The following IL16 variants were observed in gnomAD, a reference collection of about 807,000 sequenced individuals.
The protein encoded by IL16 is pro-interleukin-16.
A neutral mutation model predicts 110.1 loss-of-function variants in IL16; 67 were observed. The ratio of observed to expected loss-of-function variants is 0.61; its 90% confidence interval spans 0.50 to 0.75. The LOEUF (loss-of-function observed/expected upper bound fraction) is 0.75, where lower values mean the gene tolerates loss of function less well. IL16 is among the 30% of genes least tolerant of loss of function. The probability of loss-of-function intolerance (pLI) is 0.00; values close to 1 mark genes in which losing one functional copy is unlikely to be tolerated. For missense variants in IL16, 1,545 were observed against 1,655.0 expected, an observed-to-expected ratio of 0.93 and a Z score of 1.15; for synonymous variants, 689 against 662.9, an observed-to-expected ratio of 1.04 and a Z score of -0.61.
rs771934020 is a variant in IL16, at chr15:81,293,057, G to A, written c.1902+20G>A. On this transcript the variant is annotated intron_variant, in intron 12 of 18. Coordinates refer to ENST00000683961, the MANE Select transcript of IL16 (RefSeq NM_172217.5). Reference sequence around the variant, plus strand: ...GGCCAGGTAAGAGGATGGGTCCACAGGTTGAGTGTTTCCAGGACCAGACTC... The same window carrying A: ...GGCCAGGTAAGAGGATGGGTCCACAAGTTGAGTGTTTCCAGGACCAGACTC... 8.2e-6 allele frequency: 13 copies of A among 1,581,366 alleles called. No individual in the cohort carries two copies. The highest frequency in any genetic ancestry group is 1.7e-4 in the Middle Eastern group (1 of 5,720).
chr15:81,219,762 C>G (rs1038715926), intron 1 of IL16, among the ~76,000 whole-genome samples: 4 of 152,152 alleles, frequency 2.6e-5, no homozygotes, highest in Admixed American at 2.6e-4. Context: ...GTGCATCATT[C>G]TGTGGTCCTA....
upstream of IL16, among the ~76,000 whole-genome samples, chr15:81,195,584 G>A (rs1024484982): frequency 6.6e-6 from 1 of 152,120 alleles, no homozygotes; most frequent in African/African-American, 2.4e-5. Context: ...CCTTGGGACC[G>A]TGGGCCTGTG....
Position 81,225,408 on chromosome 15 carries a change from G to A in IL16, c.9G>A (p.Ser3=), listed in dbSNP as rs201225720. The A allele has an allele frequency of 1.2e-4, 194 of 1,613,674 alleles. No individual in the cohort carries two copies. In the East Asian group the frequency reaches 1.3e-3, roughly 11 times the overall value. The part of the protein sequence containing the change: ME[S]HSRAGKSRKS... ...TCACTTCCTCTTTGAGGATGGAGTC[G>A]CACAGCCGCGCTGGAAAGAGCAGAA... The change falls in exon 2 of 19, where the codon TCG becomes TCA. Residue 3 remains serine (S), a synonymous_variant. Transcript: ENST00000683961.
At chr15:81,200,047 T>C (rs1000531743) in intron 1 of IL16, among the ~76,000 whole-genome samples, 6 of 152,154 alleles carry the variant, frequency 3.9e-5, no homozygotes, top group African/African-American at 1.2e-4. Context: ...CACTAGTGGA[T>C]TGAAAATCAA....
chr15:81,227,076 C>T (rs1426355709), intron 2 of IL16, among the ~76,000 whole-genome samples: 1 of 152,010 alleles, frequency 6.6e-6, no homozygotes. Flanking sequence ...GAAAAATACA[C>T]TACAAGAGGG....
At chr15:81,277,090 C>T (rs906606002) in intron 6 of IL16, among the ~76,000 whole-genome samples, 1 of 151,082 alleles carries the variant, frequency 6.6e-6, no homozygotes, top group Non-Finnish European at 1.5e-5. Context: ...AAAAAGCAGT[C>T]ATTGAAATAA....
intron 14 of IL16, 80 bp from the exon 15 acceptor site, chr15:81,301,264 G>A: frequency 7.6e-7 from 1 of 1,312,878 alleles, no homozygotes; most frequent in Non-Finnish European, 1.0e-6. Flanking sequence ...CACCACACCT[G>A]GGACATAGTA....
Position 81,299,801 on chromosome 15 carries a change from C to T in IL16, c.2475C>T (p.His825=), listed in dbSNP as rs148177456. The T allele has an allele frequency of 3.1e-5, 50 of 1,613,990 alleles. No homozygotes were observed. The African/African-American group carries it at 5.9e-4, about 19-fold the overall frequency. ...AGCCAGCACCTGCTTCCAGGGAGCA[C>T]CTAGGATCACACATCCGGGCCTCCT... is the stretch of plus-strand genomic sequence containing the variant. ...STQPAPASRE[H]LGSHIRASSS... Residue 825 remains histidine (H), a synonymous_variant, in exon 14 of 19, where the codon CAC becomes CAT. Transcript: ENST00000683961.
intron 6 of IL16, among the ~76,000 whole-genome samples, chr15:81,276,441 T>C (rs1898913232): frequency 6.6e-6 from 1 of 152,176 alleles, no homozygotes; most frequent in Admixed American, 6.5e-5. Flanking sequence ...GAACTCAGAT[T>C]TGAATGCCCA....
intron 2 of IL16, 24 bp downstream of exon 2, chr15:81,225,735 G>C (rs750792298): frequency 6.4e-7 from 1 of 1,551,358 alleles, no homozygotes; most frequent in South Asian, 1.2e-5. Context: ...TTGCAGGCCT[G>C]AACTAGCCTG....
chr15:81,303,746 T>G lies in IL16; in HGVS notation c.3420+96T>G. 1 of 817,686 alleles carries G rather than the reference T, an allele frequency of 1.2e-6. No homozygotes were observed. The highest frequency in any genetic ancestry group is 2.1e-6 in the Non-Finnish European group (1 of 475,616). The allele number at this position is 817,686 out of a possible 1,614,324, so 50.7% of individuals were successfully genotyped here. A position where few individuals can be genotyped will look rare whatever the true frequency, so the allele number is the denominator to read the frequency against. Reference sequence around the variant, plus strand: ...AGGAAGGGGCCCTGTGCTGGGGAAATGAAGAATGCATGACACTAGGCCACT... The same window carrying G: ...AGGAAGGGGCCCTGTGCTGGGGAAAGGAAGAATGCATGACACTAGGCCACT... On this transcript the variant is annotated intron_variant, in intron 16 of 18. Transcript: ENST00000683961. The surrounding 1 kb of genome is among the most constrained non-coding windows in gnomAD (Gnocchi z 4.1).
intron 3 of IL16, among the ~76,000 whole-genome samples, chr15:81,261,142 C>T (rs1317804744): frequency 1.3e-5 from 2 of 152,198 alleles, no homozygotes; most frequent in African/African-American, 2.4e-5. Context: ...TGTTTTGCAG[C>T]CAAGACCAGC....
At chr15:81,254,532 C>T (rs1261293210) in intron 2 of IL16, among the ~76,000 whole-genome samples, 2 of 152,118 alleles carry the variant, frequency 1.3e-5, no homozygotes, top group Admixed American at 6.5e-5. Context: ...GCTCAGTTGC[C>T]ATGGGGACTG....
intron 1 of IL16, among the ~76,000 whole-genome samples, chr15:81,189,270 C>T (rs527316050): frequency 2.5e-4 from 38 of 151,948 alleles, no homozygotes; most frequent in Non-Finnish European, 5.2e-4. Context: ...ATTACAGGAG[C>T]CTGCCATCGT....
intron 2 of IL16, among the ~76,000 whole-genome samples, chr15:81,245,445 A>G (rs1897503695): frequency 6.6e-6 from 1 of 151,946 alleles, no homozygotes. Context: ...AGTTCTCCAG[A>G]TGTTTTACAC....
At chr15:81,247,477 C>A (rs902603626) in intron 2 of IL16, among the ~76,000 whole-genome samples, 3 of 152,128 alleles carry the variant, frequency 2.0e-5, no homozygotes, top group Non-Finnish European at 4.4e-5. Flanking sequence ...TTTCCAGTTA[C>A]CTCGAAGACA....
chr15:81,262,071 C>G lies in IL16; in HGVS notation c.421+2191C>G, dbSNP rs978385473. 5.9e-5 allele frequency among the ~76,000 whole-genome samples: 9 copies of G among 152,184 alleles called. No homozygotes were observed. In the South Asian group the frequency reaches 6.2e-4, roughly 11 times the overall value. On this transcript the variant is annotated intron_variant, in intron 3 of 18. Coordinates refer to ENST00000683961, the MANE Select transcript of IL16 (RefSeq NM_172217.5). ...ACAGAGTGAGAGCCTGTCCTGCCCC[C>G]CCGAAAAGAGGTGAAGTTAAACATT... is the stretch of plus-strand genomic sequence containing the variant.
At chr15:81,275,615 A>C (rs1185278794) in intron 6 of IL16, among the ~76,000 whole-genome samples, 1 of 152,114 alleles carries the variant, frequency 6.6e-6, no homozygotes, top group Admixed American at 6.5e-5. Flanking sequence ...TCCTGAATGT[A>C]AGCCTGCCCA....
chr15:81,280,338 C>A (rs1899118513), intron 8 of IL16, among the ~76,000 whole-genome samples: 1 of 152,190 alleles, frequency 6.6e-6, no homozygotes, highest in African/African-American at 2.4e-5. Context: ...GTTCTAGGAG[C>A]AGAATGAAGG....
Sources: allele counts gnomAD v4.1 joint callset (sites outside exome capture counted in the v4.1 genomes callset), GRCh38; gene constraint gnomAD v4.1.1; non-coding constraint Gnocchi (gnomAD v3.1); transcripts MANE v1.5; gene names NCBI Gene and HGNC (gene_info 2026-07-23, HGNC 2026-07-21).